Variants in ESYT2 observed in about 807,000 individuals in gnomAD.
The protein encoded by ESYT2 is extended synaptotagmin-2.
Under a neutral mutation model 107.2 loss-of-function variants are expected in ESYT2, and 54 were observed. That is an observed-to-expected ratio of 0.50 (90% CI 0.40 to 0.63). The LOEUF is 0.63. Ranked by LOEUF, ESYT2 falls within the 30% of genes least tolerant of loss-of-function variation. The probability of loss-of-function intolerance (pLI) is 0.00; values close to 1 mark genes in which losing one functional copy is unlikely to be tolerated. For missense variants in ESYT2, 1,020 were observed against 1,094.5 expected, an observed-to-expected ratio of 0.93 and a Z score of 0.96; for synonymous variants, 491 against 434.1, an observed-to-expected ratio of 1.13 and a Z score of -1.63.
Position 158,767,784 on chromosome 7 carries a change from G to T in ESYT2, c.804-10C>A. On this transcript the variant is annotated splice_polypyrimidine_tract_variant and intron_variant, in intron 7 of 22. Coordinates refer to ENST00000275418, the MANE Select transcript of ESYT2 (RefSeq NM_001367773.1). ...AGTATCTGATAAACCACTGTTAGTT[G>T]GGAGACAAAAAGAGCAAACGGACTA... 6.2e-7 allele frequency: 1 copy of T among 1,605,156 alleles called. No homozygotes were observed. The highest frequency in any genetic ancestry group is 8.5e-7 in the Non-Finnish European group (1 of 1,174,976).
chr7:158,798,280 G>A (rs1433084331), intron 2 of ESYT2, among the ~76,000 whole-genome samples: 1 of 152,172 alleles, frequency 6.6e-6, no homozygotes, highest in African/African-American at 2.4e-5. Flanking sequence ...ATATGTTGCA[G>A]GAACTAGTTA....
chr7:158,788,228 T>C, intron 5 of ESYT2, 117 bp downstream of exon 5: 1 of 1,199,374 alleles, frequency 8.3e-7, no homozygotes, highest in Non-Finnish European at 1.2e-6. Flanking sequence ...GACCTACAGC[T>C]AAAAACTGAA....
chr7:158,788,090 G>C lies in ESYT2; in HGVS notation c.661C>G (p.His221Asp), dbSNP rs1839169759. The C allele has an allele frequency of 6.2e-7, 1 of 1,613,620 alleles. No homozygotes were observed. Among genetic ancestry groups the C allele is most frequent in the South Asian group, 1.1e-5 (1 of 91,064 alleles). Residue 221 changes from histidine to aspartate, a missense_variant, in exon 6 of 23, where the codon CAT becomes GAT. Transcript: ENST00000275418. ...CRAGVKSIQI[H>D]GTMRVILEPL... ...TCCAGGATCACCCGCATGGTACCAT[G>C]AATCTAAACTCAAACAGGAAACCAA...
intron 9 of ESYT2, among the ~76,000 whole-genome samples, chr7:158,763,442 G>GCC (rs1838046146): frequency 6.6e-6 from 1 of 151,926 alleles, no homozygotes; most frequent in Non-Finnish European, 1.5e-5. Flanking sequence ...TTACAGGCAT[G>GCC]TGCCACCATG....
intron 13 of ESYT2, among the ~76,000 whole-genome samples, 197 bp downstream of exon 13, chr7:158,759,289 G>A (rs894395182): frequency 6.6e-6 from 1 of 152,186 alleles, no homozygotes; most frequent in South Asian, 2.1e-4. Context: ...AGCTAAATGT[G>A]TAAACAGAAA....
At position 158,796,171 on chromosome 7, in the gene ESYT2, CTG is replaced by C. The variant is rs34956149; in HGVS notation, c.507+1769_507+1770del. Among the ~76,000 whole-genome samples, 1,252 of 152,274 alleles carry C rather than the reference CTG, an allele frequency of 8.2e-3. 12 individuals are homozygous for C. Among genetic ancestry groups the C allele is most frequent in the Non-Finnish European group, 0.013 (916 of 68,018 alleles). ...CTGTGTGTGCAACAACGTGTGCAGA[CTG>C]TGTGTGTGTTTACAAGAACTATCAC... On this transcript the variant is annotated intron_variant, in intron 3 of 22. Transcript: ENST00000275418.
intron 8 of ESYT2, among the ~76,000 whole-genome samples, chr7:158,765,357 A>C (rs527889537): frequency 1.3e-5 from 2 of 152,228 alleles, no homozygotes; most frequent in African/African-American, 4.8e-5. Flanking sequence ...CATTTTCAGA[A>C]TAATTCTATG....
chr7:158,770,166 C>T (rs989058010), intron 7 of ESYT2, among the ~76,000 whole-genome samples: 8 of 152,084 alleles, frequency 5.3e-5, no homozygotes, highest in African/African-American at 1.9e-4. Context: ...GCTGGGATTA[C>T]AGGTATGAGC....
chr7:158,809,474 CAAAAAAA>C (rs67422901), intron 1 of ESYT2, among the ~76,000 whole-genome samples: 2 of 49,742 alleles, frequency 4.0e-5, no homozygotes, highest in African/African-American at 9.1e-5. Context: ...GAATCCATCT[CAAAAAAA>C]AAAAAAAAAA....
rs745831967 is a variant in ESYT2, at chr7:158,732,877, G to A, written c.*1330C>T. Reference sequence around the variant, plus strand: ...TATAGCTTATAATATACACTTAATCGTCTACATATGTGCATTCTTTCTTTA... The same window carrying A: ...TATAGCTTATAATATACACTTAATCATCTACATATGTGCATTCTTTCTTTA... On this transcript the variant is annotated 3_prime_UTR_variant, in exon 23 of 23. Transcript: ENST00000275418. 11 of 152,174 alleles carry A rather than the reference G, an allele frequency of 7.2e-5. No individual in the cohort carries two copies. The highest frequency in any genetic ancestry group is 1.9e-4 in the East Asian group (1 of 5,206). 9.4% of individuals were successfully genotyped at this position (152,174 alleles called of 1,614,324 possible). A position where few individuals can be genotyped will look rare whatever the true frequency, so the allele number is the denominator to read the frequency against.
chr7:158,798,186 G>T, intron 2 of ESYT2, 110 bp from the exon 3 acceptor site: 1 of 1,156,282 alleles, frequency 8.6e-7, no homozygotes, highest in Non-Finnish European at 1.2e-6. Flanking sequence ...TGAAAATAAA[G>T]GGCGGGAGGA....
In ESYT2 at chr7:158,761,657, A is replaced by C; in HGVS notation, c.1185-113T>G. On this transcript the variant is annotated intron_variant, in intron 10 of 22. Transcript: ENST00000275418. ...CTGAAACAACCTTAAGCATTTGTCT[A>C]TGAACAAGCACTCCAGAAATGCAAC... 4 of 914,132 alleles carry C rather than the reference A, an allele frequency of 4.4e-6. No homozygotes were observed. The South Asian group carries it at 6.0e-5, about 14-fold the overall frequency. 56.6% of individuals were successfully genotyped at this position (914,132 alleles called of 1,614,324 possible).
chr7:158,763,013 T>C, intron 10 of ESYT2, 70 bp downstream of exon 10: 3 of 1,046,412 alleles, frequency 2.9e-6, no homozygotes, highest in Non-Finnish European at 2.9e-6. Context: ...TTTTAAAACA[T>C]ACTTTTGATT....
At chr7:158,734,666 C>T (rs549123868) in intron 21 of ESYT2, among the ~76,000 whole-genome samples, 195 bp from the exon 22 acceptor site, 1 of 152,200 alleles carries the variant, frequency 6.6e-6, no homozygotes, top group Non-Finnish European at 1.5e-5. Flanking sequence ...TGACACGCAC[C>T]TTGGTCCCAG....
At chr7:158,778,765 G>A (rs1256356427) in intron 6 of ESYT2, among the ~76,000 whole-genome samples, 1 of 151,598 alleles carries the variant, frequency 6.6e-6, no homozygotes, top group African/African-American at 2.4e-5. Context: ...GTTTGCAGTT[G>A]ATGCAAAAAA....
chr7:158,828,666 G>C (rs986232510), intron 1 of ESYT2, among the ~76,000 whole-genome samples: 1 of 152,228 alleles, frequency 6.6e-6, no homozygotes, highest in African/African-American at 2.4e-5. Context: ...GACGGAGGGA[G>C]GGCACGGAGC....
intron 7 of ESYT2, among the ~76,000 whole-genome samples, chr7:158,772,612 G>T (rs923835957): frequency 6.6e-6 from 1 of 152,084 alleles, no homozygotes; most frequent in Non-Finnish European, 1.5e-5. Flanking sequence ...TGACCAACAG[G>T]TCTGCCACCC....
intron 1 of ESYT2, among the ~76,000 whole-genome samples, chr7:158,820,224 C>A (rs1446583601): frequency 2.0e-5 from 3 of 152,022 alleles, no homozygotes; most frequent in Non-Finnish European, 4.4e-5. Context: ...GGGGGAGAGT[C>A]TAGAGAGATA....
chr7:158,790,532 G>C (rs903033086), intron 4 of ESYT2, among the ~76,000 whole-genome samples: 1 of 152,186 alleles, frequency 6.6e-6, no homozygotes, highest in Non-Finnish European at 1.5e-5. Flanking sequence ...GACCCTATGG[G>C]GGGTGTGGGG....
Sources: allele counts gnomAD v4.1 joint callset (sites outside exome capture counted in the v4.1 genomes callset), GRCh38; gene constraint gnomAD v4.1.1; transcripts MANE v1.5; gene names NCBI Gene and HGNC (gene_info 2026-07-23, HGNC 2026-07-21).